PTPRD: variants seen among roughly 807,000 people sequenced by gnomAD.
PTPRD encodes the protein protein tyrosine phosphatase receptor type D.
In PTPRD, 34 loss-of-function variants were observed where a neutral mutation model predicts 214.5. That is an observed-to-expected ratio of 0.16 (90% confidence interval 0.12 to 0.21). The LOEUF (loss-of-function observed/expected upper bound fraction) is 0.21, where lower values mean the gene tolerates loss of function less well. PTPRD is among the 10% of genes least tolerant of loss of function. The pLI is 1.00. For synonymous variants in PTPRD, 1,128 were observed against 845.7 expected, an observed-to-expected ratio of 1.33 and a Z score of -5.79; for missense variants, 2,545 against 2,398.7, an observed-to-expected ratio of 1.06 and a Z score of -1.27.
intron 10 of PTPRD, among the ~76,000 whole-genome samples, 159 bp downstream of exon 10, chr9:9,183,145 A>G (rs1335817053): frequency 6.6e-6 from 1 of 152,074 alleles, no homozygotes; most frequent in Non-Finnish European, 1.5e-5. Context: ...TCTATAGTAA[A>G]GAATAACTCA....
chr9:10,518,764 C>A (rs996092404), intron 2 of PTPRD, among the ~76,000 whole-genome samples: 2 of 151,918 alleles, frequency 1.3e-5, no homozygotes, highest in Non-Finnish European at 2.9e-5. Context: ...GATCTCCTGA[C>A]CTCGTGATCT....
intron 8 of PTPRD, among the ~76,000 whole-genome samples, chr9:9,448,693 T>C (rs2091249509): frequency 6.6e-6 from 1 of 152,050 alleles, no homozygotes; most frequent in Non-Finnish European, 1.5e-5. Flanking sequence ...AGCTCTTACT[T>C]ACATGGGCAT....
chr9:9,128,207 C>G (rs2099837063), intron 10 of PTPRD, among the ~76,000 whole-genome samples: 1 of 152,138 alleles, frequency 6.6e-6, no homozygotes. Context: ...AAAAATAAAA[C>G]TCATAATATT....
intron 2 of PTPRD, among the ~76,000 whole-genome samples, chr9:10,410,166 T>C (rs928711164): frequency 1.7e-4 from 25 of 150,130 alleles, no homozygotes; most frequent in African/African-American, 5.8e-4. Flanking sequence ...TCAGCTCTGA[T>C]AGTTCAAATA....
chr9:9,358,721 T>C (rs878889331), intron 9 of PTPRD, among the ~76,000 whole-genome samples: 1 of 151,338 alleles, frequency 6.6e-6, no homozygotes, highest in Admixed American at 6.6e-5. Flanking sequence ...AAAAAGTACA[T>C]GTTGAGAAGG....
At chr9:10,124,008 G>T (rs566305612) in intron 3 of PTPRD, among the ~76,000 whole-genome samples, 2 of 152,230 alleles carry the variant, frequency 1.3e-5, no homozygotes, top group East Asian at 1.9e-4. Flanking sequence ...TTTGTATATG[G>T]AGTGGAAACC....
intron 2 of PTPRD, among the ~76,000 whole-genome samples, chr9:10,462,999 C>G (rs977638431): frequency 6.7e-6 from 1 of 150,020 alleles, no homozygotes; most frequent in Non-Finnish European, 1.5e-5. Context: ...ATATATATGC[C>G]ATACTCATTT....
intron 3 of PTPRD, among the ~76,000 whole-genome samples, chr9:10,332,689 G>A (rs2096773389): frequency 6.6e-6 from 1 of 151,564 alleles, no homozygotes; most frequent in South Asian, 2.1e-4. Flanking sequence ...AGAAAACCGA[G>A]ACCTGAAAAA....
In PTPRD at chr9:8,493,213, G is replaced by T. The variant is rs374919175; in HGVS notation, c.2350-234C>A. On this transcript the variant is annotated intron_variant, in intron 26 of 45. Transcript: ENST00000381196. ...ATCTTAGGGTATTAGTCAAAGACAT[G>T]AAATCTGGAGCCAGACTTCCTGAAT... Among the ~76,000 whole-genome samples the T allele has an allele frequency of 8.5e-5, 13 of 152,266 alleles. No individual in the cohort carries two copies. The East Asian group carries it at 1.9e-3, about 23-fold the overall frequency.
At chr9:8,775,012 T>C (rs963549194) in intron 11 of PTPRD, among the ~76,000 whole-genome samples, 15 of 152,274 alleles carry the variant, frequency 9.9e-5, no homozygotes, top group Non-Finnish European at 1.8e-4. Flanking sequence ...GGAACAATTT[T>C]TGATCGGGCG....
intron 10 of PTPRD, among the ~76,000 whole-genome samples, chr9:9,023,929 C>T (rs2099578159): frequency 1.3e-5 from 2 of 151,874 alleles, no homozygotes; most frequent in African/African-American, 4.8e-5. Context: ...ATTATCTCAT[C>T]TTCGGTTAAG....
chr9:9,680,821 T>C (rs554424428), intron 7 of PTPRD, among the ~76,000 whole-genome samples: 102 of 151,920 alleles, frequency 6.7e-4, no homozygotes, highest in African/African-American at 2.4e-3. Flanking sequence ...CTGCCAGCTA[T>C]GCAGACCATC....
At chr9:9,221,763 G>A (rs1037693703) in intron 9 of PTPRD, among the ~76,000 whole-genome samples, 2 of 152,004 alleles carry the variant, frequency 1.3e-5, no homozygotes, top group South Asian at 4.1e-4. Context: ...TCTGTCCATA[G>A]CAACAACCAA....
chr9:10,392,452 T>C (rs1312232052), intron 2 of PTPRD, among the ~76,000 whole-genome samples: 1 of 151,924 alleles, frequency 6.6e-6, no homozygotes, highest in Non-Finnish European at 1.5e-5. Flanking sequence ...AAAACTCTAC[T>C]GCATGAAATG....
chr9:9,576,809 T>C (rs893126224), intron 7 of PTPRD, among the ~76,000 whole-genome samples: 3 of 152,150 alleles, frequency 2.0e-5, no homozygotes, highest in Non-Finnish European at 4.4e-5. Flanking sequence ...CAATAATTTA[T>C]TTTAGCACGA....
chr9:8,353,533 A>G (rs1429600956), intron 39 of PTPRD, among the ~76,000 whole-genome samples: 2 of 151,970 alleles, frequency 1.3e-5, no homozygotes, highest in Non-Finnish European at 2.9e-5. Flanking sequence ...CCTGGGTTCA[A>G]GTGATTCTCC....
intron 8 of PTPRD, among the ~76,000 whole-genome samples, chr9:9,527,527 G>A (rs1003274040): frequency 1.3e-5 from 2 of 152,216 alleles, no homozygotes; most frequent in South Asian, 4.2e-4. Context: ...GGAAAATCAG[G>A]ACAAACTTCT....
chr9:9,726,404 G>C (rs2098092227), intron 7 of PTPRD, among the ~76,000 whole-genome samples: 1 of 152,140 alleles, frequency 6.6e-6, no homozygotes, highest in Admixed American at 6.6e-5. Flanking sequence ...AAGCAGGACA[G>C]TGTAAAATTA....
At chr9:10,077,832 T>C (rs74766117) in intron 3 of PTPRD, among the ~76,000 whole-genome samples, 5,895 of 92,080 alleles carry the variant, frequency 0.064, 395 homozygotes, top group African/African-American at 0.18. Flanking sequence ...TGATCTCTCT[T>C]TTTTTTTTTT....
Sources: allele counts gnomAD v4.1 joint callset (sites outside exome capture counted in the v4.1 genomes callset), GRCh38; gene constraint gnomAD v4.1.1; transcripts MANE v1.5; gene names NCBI Gene and HGNC (gene_info 2026-07-23, HGNC 2026-07-21).